PDE3A: variants seen among roughly 807,000 people sequenced by gnomAD.
PDE3A encodes the protein cGMP-inhibited 3',5'-cyclic phosphodiesterase 3A.
Under a neutral mutation model 98.3 loss-of-function variants are expected in PDE3A, and 43 were observed. The ratio of observed to expected loss-of-function variants is 0.44; its 90% CI spans 0.34 to 0.56. The LOEUF is 0.56. Among genes scored for constraint, PDE3A ranks in the 20% least tolerant of loss-of-function variants. PDE3A has a pLI of 0.01. For synonymous variants in PDE3A, 663 were observed against 567.9 expected (o/e 1.17, Z -2.38); for missense variants, 1,427 against 1,440.7 (o/e 0.99, Z 0.15).
At chr12:20,638,310 G>T (rs925081827) in intron 9 of PDE3A, among the ~76,000 whole-genome samples, 6 of 152,098 alleles carry the variant, frequency 3.9e-5, no homozygotes, top group Admixed American at 2.0e-4. Context: ...AGCACATATG[G>T]CTGTCTAGTC....
intron 2 of PDE3A, among the ~76,000 whole-genome samples, chr12:20,571,083 C>T (rs1475848968): frequency 1.3e-5 from 2 of 152,134 alleles, no homozygotes; most frequent in African/African-American, 4.8e-5. Context: ...GATTGGATTT[C>T]GGTACTTAAA....
intron 1 of PDE3A, among the ~76,000 whole-genome samples, chr12:20,550,218 T>C (rs977840418): frequency 2.0e-5 from 3 of 152,146 alleles, no homozygotes; most frequent in Non-Finnish European, 4.4e-5. Flanking sequence ...TACCACCTTA[T>C]TTTGATCCTG....
chr12:20,398,297 C>T (rs1488013554), intron 1 of PDE3A, among the ~76,000 whole-genome samples: 6 of 140,926 alleles, frequency 4.3e-5, no homozygotes, highest in Non-Finnish European at 3.1e-5. Context: ...TCTTAGTTCA[C>T]TTTTTTTTTT....
chr12:20,369,598 C>T lies in PDE3A; in HGVS notation c.314C>T (p.Pro105Leu), dbSNP rs1206940791. The change falls in exon 1 of 16, where the codon CCG becomes CTG. Residue 105 changes from proline to leucine, a missense_variant. By Grantham distance (98) the Pro-to-Leu change is moderately conservative. Transcript: ENST00000359062. ...AAAAEEEEAAPGAEGGVFPGP... is the reference protein window; with the variant it reads ...AAAAEEEEAALGAEGGVFPGP... ...GCGGCGGAGGAGGAGGAAGCAGCCC[C>T]GGGAGCAGAAGGGGGCGTCTTCCCG... 6 of 1,565,054 alleles carry T rather than the reference C, an allele frequency of 3.8e-6. No homozygotes were observed. Among genetic ancestry groups the T allele is most frequent in the East Asian group, 4.7e-5 (2 of 42,428 alleles).
intron 1 of PDE3A, among the ~76,000 whole-genome samples, chr12:20,448,962 T>C (rs1565552844): frequency 6.6e-6 from 1 of 152,206 alleles, no homozygotes; most frequent in African/African-American, 2.4e-5. Flanking sequence ...AAATGGAATT[T>C]ATTTTGGTTT....
intron 2 of PDE3A, among the ~76,000 whole-genome samples, chr12:20,574,231 T>G (rs2121320188): frequency 6.6e-6 from 1 of 152,240 alleles, no homozygotes; most frequent in East Asian, 1.9e-4. Context: ...CCTGGTCTTC[T>G]TAAAGCTGCA....
intron 1 of PDE3A, among the ~76,000 whole-genome samples, chr12:20,379,586 T>G (rs1328056881): frequency 6.6e-6 from 1 of 151,814 alleles, no homozygotes; most frequent in Non-Finnish European, 1.5e-5. Flanking sequence ...CCCAGTGTCT[T>G]GCTTATTGTA....
intron 2 of PDE3A, among the ~76,000 whole-genome samples, chr12:20,597,433 T>G (rs952089415): frequency 6.6e-6 from 1 of 152,220 alleles, no homozygotes; most frequent in Non-Finnish European, 1.5e-5. Context: ...GTGATAAGTA[T>G]GTTTGCTATC....
rs141904458 is a variant in PDE3A at position 20,468,054 on chromosome 12, C to T, written c.961-88606C>T. ...TAGCACATTTTCTTTTTGTAGCCAG[C>T]TTTGTGATTTTGTCCCATATGTTTA... On this transcript the variant is annotated intron_variant, in intron 1 of 15. Transcript: ENST00000359062. Among the ~76,000 whole-genome samples, 74 of 137,918 alleles carry T rather than the reference C, an allele frequency of 5.4e-4. 1 individual carries two copies. The East Asian group carries it at 0.011, about 20-fold the overall frequency. 90.5% of individuals were successfully genotyped at this position (137,918 alleles called of 152,430 possible).
intron 1 of PDE3A, among the ~76,000 whole-genome samples, chr12:20,449,389 T>C (rs1945021997): frequency 6.6e-6 from 1 of 152,226 alleles, no homozygotes; most frequent in Admixed American, 6.5e-5. Flanking sequence ...AACCAGAGTT[T>C]GTTTCATTTA....
At chr12:20,636,359 G>A in intron 8 of PDE3A, among the ~76,000 whole-genome samples, 1 of 152,090 alleles carries the variant, frequency 6.6e-6, no homozygotes, top group Non-Finnish European at 1.5e-5. Flanking sequence ...TTTACTGTTT[G>A]TATTTCTAAG....
chr12:20,652,038 G>C (rs1036254264), intron 14 of PDE3A, among the ~76,000 whole-genome samples: 1 of 151,926 alleles, frequency 6.6e-6, no homozygotes, highest in African/African-American at 2.4e-5. Context: ...TTGTCCTTGC[G>C]ATAGTTTGCT....
intron 1 of PDE3A, among the ~76,000 whole-genome samples, chr12:20,376,276 T>A: frequency 6.6e-6 from 1 of 151,972 alleles, no homozygotes; most frequent in East Asian, 1.9e-4. Context: ...TAGCTATATG[T>A]GTGAAGATAG....
At chr12:20,549,414 AG>A (rs1247043671) in intron 1 of PDE3A, among the ~76,000 whole-genome samples, 1 of 151,418 alleles carries the variant, frequency 6.6e-6, no homozygotes, top group Non-Finnish European at 1.5e-5. Context: ...AAAAAAAAAA[AG>A]AAAATACACT....
chr12:20,486,487 C>T (rs1034319459), intron 1 of PDE3A, among the ~76,000 whole-genome samples: 1 of 152,140 alleles, frequency 6.6e-6, no homozygotes, highest in Admixed American at 6.6e-5. Context: ...ACAGCCAAAC[C>T]ATATCAGAGG....
chr12:20,463,487 A>G (rs959553320), intron 1 of PDE3A, among the ~76,000 whole-genome samples: 2 of 152,172 alleles, frequency 1.3e-5, no homozygotes, highest in Admixed American at 6.5e-5. Flanking sequence ...TCTTAATGCT[A>G]TATACCTAAT....
chr12:20,501,057 G>A lies in PDE3A; in HGVS notation c.961-55603G>A, dbSNP rs559852759. On this transcript the variant is annotated intron_variant, in intron 1 of 15. Transcript: ENST00000359062. The stretch of plus-strand genomic sequence containing the variant: ...TGCTAGAATTATAGGCATGAGCCCC[G>A]GCAGCTGGCCAAGGCTTTTATTCTT... Among the ~76,000 whole-genome samples the A allele has an allele frequency of 1.5e-4, 23 of 152,116 alleles. 1 individual carries two copies. In the South Asian group the frequency reaches 3.7e-3, roughly 25 times the overall value.
chr12:20,494,662 C>G (rs1945886569), intron 1 of PDE3A, among the ~76,000 whole-genome samples: 1 of 151,924 alleles, frequency 6.6e-6, no homozygotes, highest in African/African-American at 2.4e-5. Flanking sequence ...TTCAAGTTGA[C>G]CAAGTGTGAA....
At chr12:20,506,954 C>G (rs1023616593) in intron 1 of PDE3A, among the ~76,000 whole-genome samples, 1 of 151,798 alleles carries the variant, frequency 6.6e-6, no homozygotes, top group Non-Finnish European at 1.5e-5. Context: ...GTAAATAAAA[C>G]CATAAAATAT....
Sources: gnomAD v4.1 joint callset for allele counts (sites outside exome capture counted in the v4.1 genomes callset) on GRCh38, gnomAD v4.1.1 for gene constraint, MANE v1.5 for transcripts, NCBI Gene and HGNC (gene_info 2026-07-23, HGNC 2026-07-21) for gene names.